ZNF536: variants seen among roughly 807,000 people sequenced by gnomAD.
The protein encoded by ZNF536 is zinc finger protein 536.
ZNF536 carries 13 observed loss-of-function variants against 84.5 expected under a neutral mutation model. The observed-to-expected ratio is 0.15, with a 90% CI of 0.10 to 0.24. The LOEUF (loss-of-function observed/expected upper bound fraction) is 0.24. Among genes scored for constraint, ZNF536 ranks in the 10% least tolerant of loss-of-function variants. The pLI, the probability that ZNF536 is intolerant of heterozygous loss-of-function variation, is 1.00. For synonymous variants in ZNF536, 811 were observed against 742.5 expected (o/e 1.09, Z -1.50); for missense variants, 1,536 against 1,747.5 (o/e 0.88, Z 2.16).
At chr19:30,481,164 T>C (rs1157942356) in intron 2 of ZNF536, among the ~76,000 whole-genome samples, 1 of 152,248 alleles carries the variant, frequency 6.6e-6, no homozygotes, top group Non-Finnish European at 1.5e-5. Flanking sequence ...CCTAAGAACA[T>C]GTTCCTTCTT....
intron 1 of ZNF536, among the ~76,000 whole-genome samples, chr19:30,281,513 T>TGGTTTC (rs1310064819): frequency 3.9e-5 from 4 of 103,008 alleles, no homozygotes; most frequent in African/African-American, 1.5e-4. Context: ...ACACGATGGG[T>TGGTTTC]GGTATCTGAT....
In ZNF536 at chr19:30,352,204, C is replaced by T. The variant is rs140363416; in HGVS notation, c.-119-164C>T. On this transcript the variant is annotated intron_variant, in intron 2 of 5. Transcript: ENST00000585628. ...TAGCTTCTTGTCTACAGCACGTCAC[C>T]GGTGGCCTTGCATGGGGATAGATTT... Among the ~76,000 whole-genome samples, 58 of 152,300 alleles carry T rather than the reference C, an allele frequency of 3.8e-4. No individual in the cohort carries two copies. In the East Asian group the frequency reaches 7.3e-3, roughly 19 times the overall value.
chr19:30,347,709 A>G (rs2047793791), intron 2 of ZNF536, among the ~76,000 whole-genome samples: 1 of 152,202 alleles, frequency 6.6e-6, no homozygotes, highest in Non-Finnish European at 1.5e-5. Flanking sequence ...CAGGGGTCTC[A>G]TTGTCAGAAA....
chr19:30,609,651 G>A (rs1238953801), intron 1 of ZNF536, among the ~76,000 whole-genome samples: 3 of 152,196 alleles, frequency 2.0e-5, no homozygotes, highest in Non-Finnish European at 4.4e-5. Context: ...TTGGCCATCA[G>A]TGTTGTTCAA....
intron 2 of ZNF536, 49 bp from the exon 3 acceptor site, chr19:30,534,798 C>G (rs2145929093): frequency 6.4e-7 from 1 of 1,551,638 alleles, no homozygotes; most frequent in South Asian, 1.3e-5. Context: ...GTGCGAACAA[C>G]TCCTGACATG....
chr19:30,627,945 T>C (rs540877859), intron 1 of ZNF536, among the ~76,000 whole-genome samples: 1 of 151,678 alleles, frequency 6.6e-6, no homozygotes, highest in South Asian at 2.1e-4. Flanking sequence ...CCATGACTGC[T>C]TCTTCTCTGA....
chr19:30,517,291 C>T (rs1599661450), intron 2 of ZNF536, among the ~76,000 whole-genome samples: 1 of 152,116 alleles, frequency 6.6e-6, no homozygotes, highest in African/African-American at 2.4e-5. Context: ...AGGCTTCTGC[C>T]TTATTTGCCT....
intron 4 of ZNF536, among the ~76,000 whole-genome samples, chr19:30,551,808 C>T (rs1252627793): frequency 5.9e-5 from 9 of 152,202 alleles, no homozygotes; most frequent in Non-Finnish European, 8.8e-5. Context: ...CAGGAAAAGA[C>T]CCTCCCTGGC....
intron 2 of ZNF536, among the ~76,000 whole-genome samples, chr19:30,312,263 A>G (rs1750417937): frequency 6.6e-6 from 1 of 152,058 alleles, no homozygotes; most frequent in African/African-American, 2.4e-5. Context: ...GGAGAAGAGA[A>G]GGTCTGTGGG....
intron 2 of ZNF536, among the ~76,000 whole-genome samples, chr19:30,314,805 C>T (rs2046626256): frequency 6.6e-6 from 1 of 151,998 alleles, no homozygotes; most frequent in Non-Finnish European, 1.5e-5. Flanking sequence ...GGTGGGTGAT[C>T]GCACCCAACC....
At chr19:30,489,960 A>G (rs993024318) in intron 2 of ZNF536, among the ~76,000 whole-genome samples, 2 of 152,242 alleles carry the variant, frequency 1.3e-5, no homozygotes, top group African/African-American at 2.4e-5. Flanking sequence ...GCAAGTTCTC[A>G]AAGGGTGCAC....
chr19:30,707,555 A>C (rs761290442), intron 1 of ZNF536, among the ~76,000 whole-genome samples: 39 of 152,150 alleles, frequency 2.6e-4, no homozygotes, highest in Non-Finnish European at 5.4e-4. Flanking sequence ...GCTGTCAGGA[A>C]GGGCCAACAG....
chr19:30,338,543 G>A (rs756595443), intron 2 of ZNF536, among the ~76,000 whole-genome samples: 30 of 152,130 alleles, frequency 2.0e-4, no homozygotes, highest in Non-Finnish European at 4.0e-4. Context: ...GATGGTGATA[G>A]ACCTTGTGGT....
chr19:30,352,476 G>A (rs2047962259), exon 3 of ZNF536: 1 of 152,254 alleles, frequency 6.6e-6, no homozygotes, highest in African/African-American at 2.4e-5. Context: ...ATGCAGTTAA[G>A]CTGCTAAGGT....
At chr19:30,332,106 G>A (rs2047229567) in intron 2 of ZNF536, among the ~76,000 whole-genome samples, 1 of 152,154 alleles carries the variant, frequency 6.6e-6, no homozygotes, top group Non-Finnish European at 1.5e-5. Flanking sequence ...CATCAAATGG[G>A]CCCTCAGCAT....
intron 1 of ZNF536, among the ~76,000 whole-genome samples, chr19:30,376,953 G>T (rs915949084): frequency 1.3e-5 from 2 of 152,188 alleles, no homozygotes; most frequent in Admixed American, 1.3e-4. Context: ...ACAGGTGTTT[G>T]CAGGCCTCTG....
At position 30,548,448 on chromosome 19, in the gene ZNF536, C is replaced by A. The variant is rs763010282; in HGVS notation, c.2829C>A (p.Asp943Glu). The A allele has an allele frequency of 1.2e-5, 20 of 1,614,022 alleles. No homozygotes were observed. The highest frequency in any genetic ancestry group is 2.2e-5 in the East Asian group (1 of 44,880). ...ACATGAAGGACAAAGCCCTGGCTGA[C>A]CCCCCTTCCATGAAAGTCCACGGAG... ...EKDMKDKALA[D>E]PPSMKVHGVD... The change falls in exon 4 of 5, where the codon GAC becomes GAA. Residue 943 changes from aspartate to glutamate, a missense_variant. This residue lies in a region of ZNF536 where 624 missense variants were observed against 603.1 expected (regional missense o/e 1.03). Transcript: ENST00000355537.
chr19:30,707,098 T>A (rs1381759980), intron 1 of ZNF536, among the ~76,000 whole-genome samples: 1 of 152,132 alleles, frequency 6.6e-6, no homozygotes, highest in East Asian at 1.9e-4. Flanking sequence ...CCCACAGGGA[T>A]GATAACTTAA....
At chr19:30,412,162 C>T (rs974390902) in intron 1 of ZNF536, among the ~76,000 whole-genome samples, 1 of 151,938 alleles carries the variant, frequency 6.6e-6, no homozygotes, top group Non-Finnish European at 1.5e-5. Flanking sequence ...TAGGTACAGT[C>T]ATTTTCAACT....
Sources: gnomAD v4.1 joint callset for allele counts (sites outside exome capture counted in the v4.1 genomes callset) on GRCh38, gnomAD v4.1.1 for gene constraint, gnomAD v4.1.1 regional missense constraint, MANE v1.5 for transcripts, NCBI Gene and HGNC (gene_info 2026-07-23, HGNC 2026-07-21) for gene names.